Variants in LUZP2 observed in about 807,000 individuals in gnomAD.
LUZP2 encodes leucine zipper protein 2.
A neutral mutation model predicts 51.6 loss-of-function variants in LUZP2; 52 were observed. The observed-to-expected ratio is 1.01, with a 90% CI of 0.81 to 1.27. The LOEUF (loss-of-function observed/expected upper bound fraction) is 1.27, where lower values mean the gene tolerates loss of function less well. Ranked by LOEUF, LUZP2 falls within the 50% of genes most tolerant of loss-of-function variation. LUZP2 has a pLI of 0.00. For missense variants in LUZP2, 436 were observed against 395.4 expected (o/e 1.10, Z -0.87); for synonymous variants, 154 against 137.3 (o/e 1.12, Z -0.85).
At chr11:24,772,840 C>A (rs1047933946) in intron 5 of LUZP2, among the ~76,000 whole-genome samples, 2 of 151,982 alleles carry the variant, frequency 1.3e-5, no homozygotes, top group African/African-American at 4.8e-5. Flanking sequence ...CCTCTATGTG[C>A]CTCTTATTCA....
At chr11:24,799,433 T>G (rs1323449169) in intron 5 of LUZP2, among the ~76,000 whole-genome samples, 1 of 151,736 alleles carries the variant, frequency 6.6e-6, no homozygotes, top group Non-Finnish European at 1.5e-5. Context: ...CCGTCCCTAC[T>G]AAAAATACAA....
intron 5 of LUZP2, among the ~76,000 whole-genome samples, chr11:24,767,465 A>T (rs145818930): frequency 2.6e-5 from 4 of 152,290 alleles, no homozygotes; most frequent in African/African-American, 9.6e-5. Flanking sequence ...CAAAGAAAAT[A>T]TTTGTTTGGT....
chr11:24,631,912 A>G (rs778487542), intron 1 of LUZP2, among the ~76,000 whole-genome samples: 18 of 152,006 alleles, frequency 1.2e-4, no homozygotes, highest in Non-Finnish European at 2.6e-4. Context: ...AATACAGGAA[A>G]GAGGGCATAT....
intron 5 of LUZP2, among the ~76,000 whole-genome samples, chr11:24,869,984 A>C (rs1305191970): frequency 1.3e-5 from 2 of 152,170 alleles, no homozygotes; most frequent in African/African-American, 4.8e-5. Context: ...CTCTTCTAAA[A>C]GTGCTACTAC....
At chr11:24,890,392 T>C (rs1386899015) in intron 5 of LUZP2, among the ~76,000 whole-genome samples, 2 of 152,158 alleles carry the variant, frequency 1.3e-5, no homozygotes, top group Non-Finnish European at 2.9e-5. Context: ...AAATCTAGAA[T>C]ATAGATGTTT....
At chr11:24,990,071 GC>G (rs1395498305) in intron 9 of LUZP2, among the ~76,000 whole-genome samples, 1 of 151,968 alleles carries the variant, frequency 6.6e-6, no homozygotes, top group East Asian at 1.9e-4. Flanking sequence ...TGGGGTCTAT[GC>G]CCCCTTTCTT....
intron 1 of LUZP2, among the ~76,000 whole-genome samples, chr11:24,670,040 G>A (rs1286859752): frequency 6.6e-6 from 1 of 151,936 alleles, no homozygotes; most frequent in Non-Finnish European, 1.5e-5. Context: ...ATATATTTCC[G>A]ATGAATAACT....
At chr11:24,905,540 A>T (rs1005721085) in intron 5 of LUZP2, among the ~76,000 whole-genome samples, 19 of 151,444 alleles carry the variant, frequency 1.3e-4, no homozygotes, top group African/African-American at 3.4e-4. Context: ...AAAAATAAAT[A>T]AAAAAAAAGA....
At chr11:24,521,076 C>T (rs528595944) in intron 1 of LUZP2, among the ~76,000 whole-genome samples, 4 of 152,124 alleles carry the variant, frequency 2.6e-5, no homozygotes, top group African/African-American at 7.2e-5. Flanking sequence ...TGTGGCTGGG[C>T]GTGGTGGCTC....
rs978761331 is a variant in LUZP2 at position 24,926,240 on chromosome 11, T to C, written c.522+11702T>C. Among the ~76,000 whole-genome samples the C allele has an allele frequency of 4.4e-4, 63 of 143,960 alleles. 1 individual carries two copies. Among genetic ancestry groups the C allele is most frequent in the African/African-American group, 1.4e-3 (54 of 38,860 alleles). The allele number at this position is 143,960 out of a possible 152,430, so 94.4% of individuals were successfully genotyped here. A position where few individuals can be genotyped will look rare whatever the true frequency, so the allele number is the denominator to read the frequency against. On this transcript the variant is annotated intron_variant, in intron 7 of 11. Coordinates refer to ENST00000336930, the MANE Select transcript of LUZP2 (RefSeq NM_001009909.4). ...ATATATACGTGTATATATATATGTG[T>C]GTGTATATATATACGTGTGTGTATA...
chr11:24,552,097 T>C (rs976708663), intron 1 of LUZP2, among the ~76,000 whole-genome samples: 1 of 152,012 alleles, frequency 6.6e-6, no homozygotes, highest in African/African-American at 2.4e-5. Flanking sequence ...TAGTGTGATA[T>C]GGTGGACAAA....
intron 5 of LUZP2, among the ~76,000 whole-genome samples, chr11:24,773,408 G>C (rs1404872301): frequency 6.6e-6 from 1 of 152,102 alleles, no homozygotes; most frequent in East Asian, 1.9e-4. Context: ...AATAGCAAAC[G>C]TTAAGTAGCA....
intron 1 of LUZP2, among the ~76,000 whole-genome samples, chr11:24,550,975 T>C (rs921610916): frequency 6.6e-6 from 1 of 152,000 alleles, no homozygotes; most frequent in Non-Finnish European, 1.5e-5. Flanking sequence ...AAAATGTATG[T>C]TTTTTATACT....
chr11:24,783,640 A>G (rs1347551582), intron 5 of LUZP2, among the ~76,000 whole-genome samples: 1 of 151,664 alleles, frequency 6.6e-6, no homozygotes, highest in African/African-American at 2.4e-5. Context: ...TCTGTGGAGG[A>G]CTCTGATTTG....
chr11:24,947,159 TAA>T (rs1359159806), intron 7 of LUZP2, among the ~76,000 whole-genome samples: 2 of 152,026 alleles, frequency 1.3e-5, no homozygotes, highest in Non-Finnish European at 2.9e-5. Context: ...TTACATGTAT[TAA>T]AGACTGTATT....
At chr11:24,625,459 C>T (rs1252536192) in intron 1 of LUZP2, among the ~76,000 whole-genome samples, 1 of 151,726 alleles carries the variant, frequency 6.6e-6, no homozygotes, top group Non-Finnish European at 1.5e-5. Context: ...TGTTAATTAG[C>T]TTCATTGTGG....
intron 1 of LUZP2, among the ~76,000 whole-genome samples, chr11:24,637,619 C>G (rs547965687): frequency 1.3e-5 from 2 of 151,772 alleles, no homozygotes; most frequent in South Asian, 2.1e-4. Flanking sequence ...GGTCTATGAA[C>G]GGCCGCTCTA....
chr11:24,504,678 A>C (rs1850097525), intron 1 of LUZP2, among the ~76,000 whole-genome samples: 1 of 152,158 alleles, frequency 6.6e-6, no homozygotes, highest in Non-Finnish European at 1.5e-5. Flanking sequence ...TTTTATATAG[A>C]ACACCTCAAG....
intron 1 of LUZP2, among the ~76,000 whole-genome samples, chr11:24,704,274 T>C (rs1414988650): frequency 6.6e-6 from 1 of 152,214 alleles, no homozygotes; most frequent in Non-Finnish European, 1.5e-5. Context: ...TTTATAACTA[T>C]ATTTTGCTAA....
Sources: gnomAD v4.1 joint callset for allele counts (sites outside exome capture counted in the v4.1 genomes callset) on GRCh38, gnomAD v4.1.1 for gene constraint, MANE v1.5 for transcripts, NCBI Gene and HGNC (gene_info 2026-07-23, HGNC 2026-07-21) for gene names.